The following CAMK1D variants were observed in gnomAD, a reference collection of about 807,000 sequenced individuals.
The protein encoded by CAMK1D is calcium/calmodulin dependent protein kinase ID.
A neutral mutation model predicts 47.7 loss-of-function variants in CAMK1D; 9 were observed. The ratio of observed to expected loss-of-function variants is 0.19; its 90% CI spans 0.11 to 0.33. CAMK1D has a LOEUF of 0.33. Ranked by LOEUF, CAMK1D falls within the 10% of genes least tolerant of loss-of-function variation. CAMK1D has a pLI of 1.00. For missense variants in CAMK1D, 291 were observed against 488.7 expected (o/e 0.60, Z 3.81); for synonymous variants, 184 against 184.9 (o/e 0.99, Z 0.04).
chr10:12,405,889 T>C (rs994576821), intron 1 of CAMK1D, among the ~76,000 whole-genome samples: 2 of 152,132 alleles, frequency 1.3e-5, no homozygotes, highest in Non-Finnish European at 2.9e-5. Context: ...CCCTTTAAAG[T>C]TGTTTATGAA....
At chr10:12,674,834 C>T (rs1840751085) in intron 3 of CAMK1D, among the ~76,000 whole-genome samples, 1 of 151,502 alleles carries the variant, frequency 6.6e-6, no homozygotes. Flanking sequence ...GAGTTCAAGA[C>T]TAGCCTGGCC....
chr10:12,370,826 TC>T (rs1184350823), intron 1 of CAMK1D, among the ~76,000 whole-genome samples: 4 of 152,102 alleles, frequency 2.6e-5, no homozygotes, highest in African/African-American at 9.7e-5. Context: ...CAGGCTGGTC[TC>T]GAACTCCTGA....
At chr10:12,394,747 T>C (rs1468256675) in intron 1 of CAMK1D, among the ~76,000 whole-genome samples, 5 of 152,180 alleles carry the variant, frequency 3.3e-5, no homozygotes, top group Admixed American at 3.3e-4. Context: ...GGTCAGATCA[T>C]GATGGGTTTT....
chr10:12,752,885 C>T (rs929685392), intron 3 of CAMK1D, among the ~76,000 whole-genome samples: 8 of 152,222 alleles, frequency 5.3e-5, no homozygotes, highest in African/African-American at 1.9e-4. Flanking sequence ...AGAGCCATCT[C>T]CTGTCTCTTC....
chr10:12,523,824 T>G (rs2132201155), intron 1 of CAMK1D, among the ~76,000 whole-genome samples: 1 of 152,340 alleles, frequency 6.6e-6, no homozygotes, highest in South Asian at 2.1e-4. Context: ...ATTTAAACTT[T>G]ATCTCTACTG....
At chr10:12,603,115 T>A (rs1838354133) in intron 2 of CAMK1D, among the ~76,000 whole-genome samples, 1 of 152,040 alleles carries the variant, frequency 6.6e-6, no homozygotes. Context: ...TTCGCCATGT[T>A]GGCCAGGCTG....
At chr10:12,437,113 AT>A (rs5783267) in intron 1 of CAMK1D, among the ~76,000 whole-genome samples, 17 of 150,970 alleles carry the variant, frequency 1.1e-4, no homozygotes, top group African/African-American at 3.9e-4. Flanking sequence ...CAGCAGCCAG[AT>A]TTTTTTTTCT....
intron 3 of CAMK1D, among the ~76,000 whole-genome samples, chr10:12,684,582 A>C (rs1390398236): frequency 6.6e-6 from 1 of 152,232 alleles, no homozygotes; most frequent in East Asian, 1.9e-4. Context: ...GGACTGTTTT[A>C]ACATAATTTT....
chr10:12,383,483 GCAGGTGTTTATTTCACCA>G, intron 1 of CAMK1D, among the ~76,000 whole-genome samples: 1 of 152,260 alleles, frequency 6.6e-6, no homozygotes, highest in Non-Finnish European at 1.5e-5. Context: ...CTTTATATTA[GCAGGTGTTTATTTCACCA>G]CAGACATTGG....
At chr10:12,507,421 C>T (rs920918755) in intron 1 of CAMK1D, among the ~76,000 whole-genome samples, 1 of 152,184 alleles carries the variant, frequency 6.6e-6, no homozygotes, top group African/African-American at 2.4e-5. Flanking sequence ...TTCTGTTAAT[C>T]AGATGGGGGA....
chr10:12,565,474 G>A (rs921739160), intron 2 of CAMK1D, among the ~76,000 whole-genome samples: 6 of 152,114 alleles, frequency 3.9e-5, no homozygotes, highest in Non-Finnish European at 8.8e-5. Flanking sequence ...GGCTGGTTTC[G>A]AACTCCTGAC....
chr10:12,634,977 C>T (rs1839473340), intron 2 of CAMK1D, among the ~76,000 whole-genome samples: 1 of 152,132 alleles, frequency 6.6e-6, no homozygotes, highest in African/African-American at 2.4e-5. Context: ...TTGGCAGATG[C>T]CATATACTGT....
intron 1 of CAMK1D, among the ~76,000 whole-genome samples, chr10:12,516,751 C>T (rs1376071177): frequency 6.6e-6 from 1 of 152,186 alleles, no homozygotes; most frequent in African/African-American, 2.4e-5. Context: ...TGAGTTTGAG[C>T]ATCTTTTCAT....
chr10:12,372,260 C>G (rs1838026898), intron 1 of CAMK1D, among the ~76,000 whole-genome samples: 1 of 152,124 alleles, frequency 6.6e-6, no homozygotes, highest in Non-Finnish European at 1.5e-5. Context: ...CTGTATTTCA[C>G]GTGAATTTTC....
chr10:12,825,253 T>A (rs1157411146), intron 9 of CAMK1D, among the ~76,000 whole-genome samples: 1 of 152,210 alleles, frequency 6.6e-6, no homozygotes, highest in Non-Finnish European at 1.5e-5. Flanking sequence ...CTCACATTTT[T>A]AAGGTATTAT....
Position 12,568,909 on chromosome 10 carries a change from A to T in CAMK1D, c.224+15553A>T, listed in dbSNP as rs543921598. Among the ~76,000 whole-genome samples, 5 of 152,346 alleles carry T rather than the reference A, an allele frequency of 3.3e-5. No homozygotes were observed. The East Asian group carries it at 9.6e-4, about 29-fold the overall frequency. On this transcript the variant is annotated intron_variant, in intron 2 of 10. Coordinates refer to ENST00000619168, the MANE Select transcript of CAMK1D (RefSeq NM_153498.4). ...ATTATTAAGTCCATTATTATTATTCAGTTAATACAACTTTTTCAAAAAGAT... is the reference window on the plus strand; with the variant it reads ...ATTATTAAGTCCATTATTATTATTCTGTTAATACAACTTTTTCAAAAAGAT...
intron 1 of CAMK1D, among the ~76,000 whole-genome samples, chr10:12,352,160 A>G (rs1006403328): frequency 6.6e-6 from 1 of 152,188 alleles, no homozygotes; most frequent in African/African-American, 2.4e-5. Flanking sequence ...TTAGCTAACT[A>G]TTAAGTGGCG....
intron 5 of CAMK1D, among the ~76,000 whole-genome samples, chr10:12,789,187 T>G (rs1184041009): frequency 1.3e-5 from 2 of 152,200 alleles, no homozygotes; most frequent in Non-Finnish European, 2.9e-5. Flanking sequence ...ATTCGTAAAT[T>G]TTCTTAAAAC....
chr10:12,759,892 C>T (rs904226816), intron 3 of CAMK1D, among the ~76,000 whole-genome samples: 5 of 151,968 alleles, frequency 3.3e-5, no homozygotes, highest in African/African-American at 7.3e-5. Context: ...TGTGTGTTAC[C>T]GTAGGGCTTG....
Sources: allele counts gnomAD v4.1 joint callset (sites outside exome capture counted in the v4.1 genomes callset), GRCh38; gene constraint gnomAD v4.1.1; transcripts MANE v1.5; gene names NCBI Gene and HGNC (gene_info 2026-07-23, HGNC 2026-07-21).